The following PROS1 variants were observed in gnomAD, a reference collection of about 807,000 sequenced individuals.
PROS1 encodes the protein vitamin K-dependent protein S.
Under a neutral mutation model 75.9 loss-of-function variants are expected in PROS1, and 29 were observed. The ratio of observed to expected loss-of-function variants is 0.38; its 90% CI spans 0.28 to 0.52. The LOEUF (loss-of-function observed/expected upper bound fraction) is 0.52. Among genes scored for constraint, PROS1 ranks in the 20% least tolerant of loss-of-function variants. PROS1 has a pLI of 0.83. For missense variants in PROS1, 680 were observed against 810.3 expected (o/e 0.84, Z 1.95); for synonymous variants, 245 against 280.6 (o/e 0.87, Z 1.27).
intron 13 of PROS1, 102 bp downstream of exon 13, chr3:93,879,061 T>C (rs1351164671): frequency 8.4e-6 from 10 of 1,195,656 alleles, no homozygotes; most frequent in Non-Finnish European, 1.2e-5. Context: ...TAAGTTACTT[T>C]ATTTAATCTT....
chr3:93,884,159 C>T (rs1708312411), intron 12 of PROS1, among the ~76,000 whole-genome samples: 1 of 152,046 alleles, frequency 6.6e-6, no homozygotes, highest in African/African-American at 2.4e-5. Flanking sequence ...AAATCTAAAC[C>T]AAAAATTACA....
At chr3:93,928,652 T>C (rs746139875) in intron 1 of PROS1, 40 of 734,560 alleles carry the variant, frequency 5.4e-5, no homozygotes, top group Non-Finnish European at 7.2e-5. Context: ...ACAATAAAAA[T>C]AACATAACAA....
intron 1 of PROS1, among the ~76,000 whole-genome samples, chr3:93,956,871 C>G (rs764601572): frequency 1.6e-4 from 25 of 151,956 alleles, no homozygotes; most frequent in Non-Finnish European, 3.5e-4. Flanking sequence ...AACAAGACAC[C>G]CTTTAAATCT....
At chr3:93,908,589 AATG>A (rs1452589218) in intron 4 of PROS1, among the ~76,000 whole-genome samples, 1 of 152,206 alleles carries the variant, frequency 6.6e-6, no homozygotes, top group African/African-American at 2.4e-5. Context: ...TCTTTGGCTG[AATG>A]ATGATTTGCA....
At position 93,893,055 on chromosome 3, in the gene PROS1, C is replaced by T. The variant is rs1130107; in HGVS notation, c.1033G>A (p.Asp345Asn). ...EGVILYAESI[D>N]HSAWLLIALR... ...GCAATCAGGAGCCACGCTGAGTGAT[C>T]GATAGATTCTGCGTACAGTATCACG... Residue 345 changes from aspartate to asparagine, a missense_variant, in exon 10 of 15, where the codon GAT becomes AAT. Coordinates refer to ENST00000394236, the MANE Select transcript of PROS1 (RefSeq NM_000313.4). 9 of 1,613,804 alleles carry T rather than the reference C, an allele frequency of 5.6e-6. No homozygotes were observed. The highest frequency in any genetic ancestry group is 2.2e-5 in the South Asian group (2 of 91,074).
chr3:93,938,934 C>T (rs1709233211), intron 1 of PROS1, among the ~76,000 whole-genome samples: 1 of 152,122 alleles, frequency 6.6e-6, no homozygotes, highest in African/African-American at 2.4e-5. Context: ...CACACTGCAG[C>T]CCAGGGCTGC....
At chr3:93,918,909 TG>T (rs1232659152) in intron 3 of PROS1, among the ~76,000 whole-genome samples, 3 of 152,186 alleles carry the variant, frequency 2.0e-5, no homozygotes, top group African/African-American at 4.8e-5. Context: ...TTCATTTCCA[TG>T]TTTTTTTTCA....
At chr3:93,966,825 AAAG>A (rs1416241866) in intron 1 of PROS1, among the ~76,000 whole-genome samples, 22 of 152,060 alleles carry the variant, frequency 1.4e-4, no homozygotes, top group Admixed American at 7.9e-4. Context: ...AAAAAAAAAA[AAAG>A]AAGAAGGCAG....
chr3:93,928,569 G>A, intron 1 of PROS1: 2 of 260,344 alleles, frequency 7.7e-6, no homozygotes, highest in Non-Finnish European at 1.5e-5. Context: ...CATCTTTAAA[G>A]CAAGAGTAAT....
At position 93,947,813 on chromosome 3, in the gene PROS1, C is replaced by A. The variant is rs542840978; in HGVS notation, c.77-20406G>T. Among the ~76,000 whole-genome samples the A allele has an allele frequency of 2.0e-5, 3 of 152,004 alleles. No individual in the cohort carries two copies. In the East Asian group the frequency reaches 5.8e-4, roughly 29 times the overall value. On this transcript the variant is annotated intron_variant, in intron 1 of 14. Coordinates refer to ENST00000394236, the MANE Select transcript of PROS1 (RefSeq NM_000313.4). The stretch of plus-strand genomic sequence containing the variant: ...CAATCTCCTGATCTCGTGATCTGCC[C>A]GCCTCGGCCTCTCAAAGTTGCTGGA...
chr3:93,926,392 G>A (rs1423496157), intron 2 of PROS1, among the ~76,000 whole-genome samples: 3 of 152,154 alleles, frequency 2.0e-5, no homozygotes, highest in Non-Finnish European at 4.4e-5. Context: ...AGCACTTTAG[G>A]AGGCCAAGGC....
At chr3:93,893,285 A>G (rs1708458934) in intron 9 of PROS1, among the ~76,000 whole-genome samples, 163 bp from the exon 10 acceptor site, 1 of 152,222 alleles carries the variant, frequency 6.6e-6, no homozygotes, top group Non-Finnish European at 1.5e-5. Context: ...TAGACTGCTC[A>G]TGTATTATCT....
chr3:93,943,806 T>A (rs1237186148), intron 1 of PROS1, among the ~76,000 whole-genome samples: 1 of 152,174 alleles, frequency 6.6e-6, no homozygotes, highest in Non-Finnish European at 1.5e-5. Context: ...CTGCCTTAAC[T>A]GATGACTTTA....
chr3:93,947,904 C>G (rs1476619817), intron 1 of PROS1, among the ~76,000 whole-genome samples: 2 of 152,110 alleles, frequency 1.3e-5, no homozygotes, highest in South Asian at 2.1e-4. Context: ...TACTCTCCCC[C>G]CTTACCTTGG....
intron 1 of PROS1, among the ~76,000 whole-genome samples, chr3:93,953,505 A>C (rs1011509513): frequency 1.3e-5 from 2 of 152,220 alleles, no homozygotes; most frequent in African/African-American, 4.8e-5. Flanking sequence ...GATGCAGAAA[A>C]GGCCTTCAGC....
chr3:93,930,504 T>C (rs534715154), intron 1 of PROS1, among the ~76,000 whole-genome samples: 1 of 152,306 alleles, frequency 6.6e-6, no homozygotes, highest in South Asian at 2.1e-4. Context: ...GCTCCATATA[T>C]ATTCACTTCT....
rs200859637 is a variant in PROS1 at position 93,875,619 on chromosome 3, C to CT, written c.1871-1215dup. Among the ~76,000 whole-genome samples, 980 of 138,696 alleles carry CT rather than the reference C, an allele frequency of 7.1e-3. 12 individuals are homozygous for CT. The highest frequency in any genetic ancestry group is 0.024 in the African/African-American group (901 of 37,462). 91.0% of individuals were successfully genotyped at this position (138,696 alleles called of 152,430 possible). A position where few individuals can be genotyped will look rare whatever the true frequency, so the allele number is the denominator to read the frequency against. On this transcript the variant is annotated intron_variant, in intron 14 of 14. Coordinates refer to ENST00000394236, the MANE Select transcript of PROS1 (RefSeq NM_000313.4). The stretch of plus-strand genomic sequence containing the variant: ...CCCTAATAATTAGGCATGCTCACTA[C>CT]TTACCTCTATCTATCTATCTATCTA...
intron 1 of PROS1, among the ~76,000 whole-genome samples, chr3:93,930,975 A>G (rs929983079): frequency 7.9e-5 from 12 of 152,230 alleles, no homozygotes; most frequent in Admixed American, 2.0e-4. Context: ...GTCCTACAGG[A>G]AAATTAAGCT....
intron 1 of PROS1, among the ~76,000 whole-genome samples, chr3:93,966,783 C>T (rs1709796593): frequency 7.0e-6 from 1 of 141,938 alleles, no homozygotes; most frequent in South Asian, 2.2e-4. Context: ...GAGGCTGAGG[C>T]AGGGCGACAG....
Sources: allele counts gnomAD v4.1 joint callset (sites outside exome capture counted in the v4.1 genomes callset), GRCh38; gene constraint gnomAD v4.1.1; transcripts MANE v1.5; gene names NCBI Gene and HGNC (gene_info 2026-07-23, HGNC 2026-07-21).